The following PCID2 variants were observed in gnomAD, a reference collection of about 807,000 sequenced individuals.
PCID2 encodes PCI domain containing 2.
Under a neutral mutation model 61.3 loss-of-function variants are expected in PCID2, and 41 were observed. The ratio of observed to expected loss-of-function variants is 0.67; its 90% CI spans 0.52 to 0.87. The LOEUF (loss-of-function observed/expected upper bound fraction) is 0.87. Ranked by LOEUF, PCID2 falls within the 40% of genes least tolerant of loss-of-function variation. The probability of loss-of-function intolerance (pLI) is 0.00; values close to 1 mark genes in which losing one functional copy is unlikely to be tolerated. For synonymous variants in PCID2, 187 were observed against 177.8 expected (o/e 1.05, Z -0.41); for missense variants, 392 against 493.4 (o/e 0.79, Z 1.95).
In PCID2 at chr13:113,184,542, A is replaced by G; in HGVS notation, c.544-55T>C. On this transcript the variant is annotated intron_variant, in intron 8 of 13. Coordinates refer to ENST00000337344, the MANE Select transcript of PCID2 (RefSeq NM_001127202.4). ...TTTAAAAACAACAAAAACAGGTGGC[A>G]AAACAAATTACTAAGCATGTCTCCT... 11 of 1,002,382 alleles carry G rather than the reference A, an allele frequency of 1.1e-5. No homozygotes were observed. In the South Asian group the frequency reaches 1.5e-4, roughly 13 times the overall value. The allele number at this position is 1,002,382 out of a possible 1,614,324, so 62.1% of individuals were successfully genotyped here. A position where few individuals can be genotyped will look rare whatever the true frequency, so the allele number is the denominator to read the frequency against.
rs1363700520 is a variant in PCID2 at position 113,208,592 on chromosome 13, G to C, written c.36+7C>G. ...ACGCCGCCGCGCGCTCCCCGGCTAGGACCCACCTGCTGCAGGTACTGGTTA... is the reference window on the plus strand; with the variant it reads ...ACGCCGCCGCGCGCTCCCCGGCTAGCACCCACCTGCTGCAGGTACTGGTTA... On this transcript the variant is annotated splice_region_variant and intron_variant, in intron 1 of 13. Transcript: ENST00000337344. The C allele has an allele frequency of 1.2e-6, 2 of 1,603,946 alleles. No individual in the cohort carries two copies. Among genetic ancestry groups the C allele is most frequent in the Admixed American group, 3.4e-5 (2 of 59,402 alleles).
chr13:113,183,893 G>A (rs1468902120), intron 9 of PCID2: 29 of 985,338 alleles, frequency 2.9e-5, no homozygotes, highest in Non-Finnish European at 3.4e-5. Flanking sequence ...CTGTTTAAAC[G>A]AGAGCTTTGA....
At chr13:113,180,354 G>C in intron 10 of PCID2, 123 bp from the exon 11 acceptor site, 1 of 720,314 alleles carries the variant, frequency 1.4e-6, no homozygotes, top group Non-Finnish European at 2.4e-6. Context: ...GAATGTCCAT[G>C]GATTAAACAC....
At chr13:113,165,487 CT>C in the PCID2 span, among the ~76,000 whole-genome samples, 3 of 152,298 alleles carry the variant, frequency 2.0e-5, no homozygotes, top group Non-Finnish European at 4.4e-5. Flanking sequence ...TTTTGTTCTC[CT>C]TTTCCCCTCC....
chr13:113,184,755 A>T (rs989410207), intron 8 of PCID2, among the ~76,000 whole-genome samples: 5 of 152,090 alleles, frequency 3.3e-5, no homozygotes, highest in South Asian at 4.1e-4. Flanking sequence ...GCAGCCCTGC[A>T]GTGGGAAGCC....
the PCID2 span, among the ~76,000 whole-genome samples, chr13:113,170,945 CAG>C: frequency 3.3e-5 from 5 of 150,360 alleles, no homozygotes; most frequent in Non-Finnish European, 5.9e-5. Flanking sequence ...TTTTTTGAGA[CAG>C]AGTCTCACTC....
chr13:113,183,276 T>C (rs958301614), intron 9 of PCID2, among the ~76,000 whole-genome samples: 1 of 152,224 alleles, frequency 6.6e-6, no homozygotes, highest in Non-Finnish European at 1.5e-5. Context: ...TCAGAAACTA[T>C]GACTATGTCG....
chr13:113,181,671 G>C (rs2037648995), intron 9 of PCID2, among the ~76,000 whole-genome samples: 1 of 152,092 alleles, frequency 6.6e-6, no homozygotes, highest in Non-Finnish European at 1.5e-5. Flanking sequence ...CCATCCTCCA[G>C]CTTAACATAT....
chr13:113,196,095 T>C, intron 5 of PCID2, 86 bp downstream of exon 5: 2 of 941,038 alleles, frequency 2.1e-6, no homozygotes, highest in East Asian at 2.4e-5. Flanking sequence ...GAAAATACAA[T>C]ACACATTTAT....
chr13:113,203,289 G>A (rs1157302776), intron 1 of PCID2, among the ~76,000 whole-genome samples: 1 of 152,222 alleles, frequency 6.6e-6, no homozygotes, highest in Non-Finnish European at 1.5e-5. Flanking sequence ...TCCTGCCCCA[G>A]TCCATGCAAG....
At chr13:113,175,369 T>C (rs1046655194), downstream of PCID2, among the ~76,000 whole-genome samples, 6 of 152,240 alleles carry the variant, frequency 3.9e-5, no homozygotes, top group African/African-American at 9.7e-5. Context: ...CCCAGAAATG[T>C]TGACAAACCT....
intron 1 of PCID2, among the ~76,000 whole-genome samples, chr13:113,204,806 C>T (rs1467764198): frequency 2.0e-5 from 3 of 152,200 alleles, no homozygotes; most frequent in Admixed American, 1.3e-4. Context: ...CGACTGGCGC[C>T]GCAGTGGACA....
intron 9 of PCID2, among the ~76,000 whole-genome samples, chr13:113,181,759 TATTA>T (rs1183066223): frequency 2.0e-5 from 3 of 152,226 alleles, no homozygotes; most frequent in Admixed American, 1.3e-4. Context: ...ACACACAACA[TATTA>T]ATTCTGTCCT....
At chr13:113,181,783 A>G (rs887297869) in intron 9 of PCID2, among the ~76,000 whole-genome samples, 37 of 152,242 alleles carry the variant, frequency 2.4e-4, no homozygotes, top group Non-Finnish European at 4.0e-4. Context: ...TGAGAGCAAT[A>G]TTAAAAAACA....
chr13:113,190,338 C>T (rs1278316738), intron 7 of PCID2, among the ~76,000 whole-genome samples: 1 of 150,938 alleles, frequency 6.6e-6, no homozygotes, highest in East Asian at 1.9e-4. Context: ...ATACAGGGAA[C>T]GATGGCAAGG....
chr13:113,181,240 A>G lies in PCID2; in HGVS notation c.686-10T>C, dbSNP rs778306891. 2 of 1,586,232 alleles carry G rather than the reference A, an allele frequency of 1.3e-6. No individual in the cohort carries two copies. The highest frequency in any genetic ancestry group is 2.7e-5 in the African/African-American group (2 of 74,460). ...GACAGGTACTCCTCAGCTGCAAAGA[A>G]GGCAGAGCCAGCACGCATGAGACCA... is the stretch of plus-strand genomic sequence containing the variant. On this transcript the variant is annotated splice_polypyrimidine_tract_variant and intron_variant, in intron 9 of 13. Coordinates refer to ENST00000337344, the MANE Select transcript of PCID2 (RefSeq NM_001127202.4).
In PCID2 at chr13:113,178,055, A is replaced by G; in HGVS notation, c.*143T>C. On this transcript the variant is annotated 3_prime_UTR_variant, in exon 14 of 14. Coordinates refer to ENST00000337344, the MANE Select transcript of PCID2 (RefSeq NM_001127202.4). The stretch of plus-strand genomic sequence containing the variant: ...GGAGATTAACTCGGGTGTGCTGAAA[A>G]TCTCAGCCTCAGCATCCCTGGGAAA... The G allele has an allele frequency of 1.8e-6, 1 of 555,704 alleles. No individual in the cohort carries two copies. Among genetic ancestry groups the G allele is most frequent in the Non-Finnish European group, 3.2e-6 (1 of 308,534 alleles). 34.4% of individuals were successfully genotyped at this position (555,704 alleles called of 1,614,324 possible).
downstream of PCID2, among the ~76,000 whole-genome samples, chr13:113,173,294 C>G (rs2037145409): frequency 6.6e-6 from 1 of 152,230 alleles, no homozygotes; most frequent in South Asian, 2.1e-4. Context: ...TGCAGTCCAG[C>G]CCCCAGTGAA....
At chr13:113,208,314 G>C in intron 1 of PCID2, 15 of 1,432,748 alleles carry the variant, frequency 1.0e-5, no homozygotes, top group Non-Finnish European at 1.3e-5. Context: ...GTGCCAGCAA[G>C]TGAGGGCAGC....
Sources: allele counts gnomAD v4.1 joint callset (sites outside exome capture counted in the v4.1 genomes callset), GRCh38; gene constraint gnomAD v4.1.1; transcripts MANE v1.5; gene names NCBI Gene and HGNC (gene_info 2026-07-23, HGNC 2026-07-21).